The following AKR1C3 variants were observed in gnomAD, a reference collection of about 807,000 sequenced individuals.
AKR1C3 encodes aldo-keto reductase family 1 member C3.
AKR1C3 carries 48 observed loss-of-function variants against 43.6 expected under a neutral mutation model. That is an observed-to-expected ratio of 1.10 (90% CI 0.87 to 1.40). The LOEUF is 1.40. AKR1C3 is among the 40% of genes most tolerant of loss of function. The pLI is 0.00. For missense variants in AKR1C3, 482 were observed against 391.2 expected (o/e 1.23, Z -1.96); for synonymous variants, 162 against 139.6 (o/e 1.16, Z -1.13).
chr10:5,055,759 G>A (rs967134652), intron 1 of AKR1C3, among the ~76,000 whole-genome samples: 14 of 152,158 alleles, frequency 9.2e-5, no homozygotes, highest in African/African-American at 2.2e-4. Flanking sequence ...TTTGAAGGCT[G>A]TTTCTGCCTC....
intron 1 of AKR1C3, among the ~76,000 whole-genome samples, chr10:5,061,168 C>G (rs532053190): frequency 6.6e-6 from 1 of 152,130 alleles, no homozygotes; most frequent in South Asian, 2.1e-4. Flanking sequence ...CGAGAGTGAG[C>G]GAGGACTGCA....
intron 1 of AKR1C3, among the ~76,000 whole-genome samples, chr10:5,075,640 T>C (rs1554781736): frequency 6.6e-6 from 1 of 152,054 alleles, no homozygotes; most frequent in Non-Finnish European, 1.5e-5. Context: ...TTTGGGAGGC[T>C]GAGGTGGGCG....
intron 1 of AKR1C3, among the ~76,000 whole-genome samples, chr10:5,060,860 A>G (rs1554780163): frequency 6.6e-6 from 1 of 152,206 alleles, no homozygotes; most frequent in Non-Finnish European, 1.5e-5. Flanking sequence ...CCGGCAAGAA[A>G]TTGAGCACAG....
chr10:5,096,096 TATA>T (rs1444157801), intron 1 of AKR1C3: 91 of 217,446 alleles, frequency 4.2e-4, no homozygotes, highest in Admixed American at 1.6e-4. Flanking sequence ...TTTTACCATG[TATA>T]ATATCACTAT....
intron 1 of AKR1C3, among the ~76,000 whole-genome samples, chr10:5,080,199 G>A (rs1234697623): frequency 6.6e-6 from 1 of 152,200 alleles, no homozygotes; most frequent in Admixed American, 6.5e-5. Context: ...AAGATGTGGA[G>A]ATGGGAAACA....
At chr10:5,100,770 AT>A (rs1322925322) in intron 5 of AKR1C3, among the ~76,000 whole-genome samples, 2 of 152,116 alleles carry the variant, frequency 1.3e-5, no homozygotes, top group African/African-American at 4.8e-5. Flanking sequence ...TAGTCCTTCA[AT>A]TTTTTATTAT....
intron 1 of AKR1C3, among the ~76,000 whole-genome samples, chr10:5,049,146 T>C (rs1279605401): frequency 6.6e-6 from 1 of 152,180 alleles, no homozygotes; most frequent in Non-Finnish European, 1.5e-5. Flanking sequence ...GTTTATTTCA[T>C]AGCTTGTCAG....
chr10:5,095,714 T>A (rs1290590280), intron 1 of AKR1C3, among the ~76,000 whole-genome samples: 1 of 146,716 alleles, frequency 6.8e-6, no homozygotes, highest in Non-Finnish European at 1.5e-5. Context: ...ATAGCCTTAT[T>A]TTTTATGGCA....
At chr10:5,064,370 A>T (rs1290981785) in intron 1 of AKR1C3, among the ~76,000 whole-genome samples, 1 of 152,148 alleles carries the variant, frequency 6.6e-6, no homozygotes, top group East Asian at 1.9e-4. Flanking sequence ...ACACTGTATT[A>T]AAAAATCAAC....
At chr10:5,073,760 C>A (rs188616498) in intron 1 of AKR1C3, among the ~76,000 whole-genome samples, 4 of 152,278 alleles carry the variant, frequency 2.6e-5, no homozygotes, top group Admixed American at 2.6e-4. Context: ...AAGAACATCA[C>A]CCTCACCTTG....
intron 1 of AKR1C3, among the ~76,000 whole-genome samples, chr10:5,077,154 C>T (rs533507536): frequency 1.3e-5 from 2 of 152,102 alleles, no homozygotes; most frequent in African/African-American, 4.8e-5. Context: ...CCCCTCTTGT[C>T]CACCTCCACA....
At position 5,064,253 on chromosome 10, in the gene AKR1C3, C is replaced by T. The variant is rs563542601; in HGVS notation, c.84+15358C>T. Among the ~76,000 whole-genome samples the T allele has an allele frequency of 2.2e-3, 333 of 152,318 alleles. 2 individuals carry two copies. The highest frequency in any genetic ancestry group is 7.8e-3 in the African/African-American group (323 of 41,548). On this transcript the variant is annotated intron_variant, in intron 1 of 8. Coordinates refer to the AKR1C3 transcript ENST00000439082. ...AGCAGGCCCATGGACCAAGGGAACA[C>T]TAGAGAAGTCCCAGAAATAATGCTG... is the stretch of plus-strand genomic sequence containing the variant.
chr10:5,103,727 G>T (rs1247808637), intron 7 of AKR1C3, among the ~76,000 whole-genome samples: 1 of 152,190 alleles, frequency 6.6e-6, no homozygotes, highest in South Asian at 2.1e-4. Flanking sequence ...TAGGCTCAGG[G>T]CTGCCACGCC....
intron 7 of AKR1C3, among the ~76,000 whole-genome samples, chr10:5,103,158 T>C (rs1829253977): frequency 6.6e-6 from 1 of 152,168 alleles, no homozygotes; most frequent in South Asian, 2.1e-4. Flanking sequence ...CCCAAAGTGG[T>C]ACTACAGGTG....
intron 1 of AKR1C3, chr10:5,096,173 G>A: frequency 2.5e-6 from 1 of 402,106 alleles, no homozygotes; most frequent in Non-Finnish European, 4.5e-6. Context: ...GAATCTGAGG[G>A]TGTTATTTGG....
At chr10:5,075,022 T>A (rs183575245) in intron 1 of AKR1C3, among the ~76,000 whole-genome samples, 1 of 152,152 alleles carries the variant, frequency 6.6e-6, no homozygotes, top group Non-Finnish European at 1.5e-5. Context: ...GGCATAGACC[T>A]GTCTCCTGGG....
At chr10:5,089,434 C>A (rs1175000169), upstream of AKR1C3, among the ~76,000 whole-genome samples, 1 of 151,948 alleles carries the variant, frequency 6.6e-6, no homozygotes, top group East Asian at 1.9e-4. Context: ...AGCCTTTGTT[C>A]ATTTATAACA....
At position 5,061,799 on chromosome 10, in the gene AKR1C3, A is replaced by C. The variant is rs1441030924; in HGVS notation, c.84+12904A>C. ...CTTAGATTCCAGAAATATACTATTA[A>C]TTTATTATACTTGATGTTTTTAAAT... On this transcript the variant is annotated intron_variant, in intron 1 of 8. Transcript: ENST00000439082. Among the ~76,000 whole-genome samples the C allele has an allele frequency of 1.8e-4, 28 of 152,194 alleles. 1 individual carries two copies. The highest frequency in any genetic ancestry group is 1.1e-3 in the Admixed American group (17 of 15,284).
intron 1 of AKR1C3, among the ~76,000 whole-genome samples, chr10:5,066,499 G>C (rs1005567992): frequency 1.4e-4 from 21 of 152,082 alleles, no homozygotes; most frequent in African/African-American, 5.1e-4. Context: ...GTCGAAGAGA[G>C]ACCAAATGAC....
Sources: allele counts gnomAD v4.1 joint callset (sites outside exome capture counted in the v4.1 genomes callset), GRCh38; gene constraint gnomAD v4.1.1; transcripts MANE v1.5; gene names NCBI Gene and HGNC (gene_info 2026-07-23, HGNC 2026-07-21).